Variants in MED13 observed in about 807,000 individuals in gnomAD.
The protein encoded by MED13 is mediator of RNA polymerase II transcription subunit 13.
MED13 carries 23 observed loss-of-function variants against 225.2 expected under a neutral mutation model. That is an observed-to-expected ratio of 0.10 (90% CI 0.07 to 0.14). MED13 has a LOEUF of 0.14. MED13 is among the 10% of genes least tolerant of loss of function. The probability of loss-of-function intolerance (pLI) is 1.00; values close to 1 mark genes in which losing one functional copy is unlikely to be tolerated. For synonymous variants in MED13, 942 were observed against 889.2 expected (o/e 1.06, Z -1.06); for missense variants, 2,197 against 2,594.5 (o/e 0.85, Z 3.33).
At chr17:62,059,113 T>C (rs922150929) in intron 2 of MED13, among the ~76,000 whole-genome samples, 10 of 152,078 alleles carry the variant, frequency 6.6e-5, no homozygotes, top group Non-Finnish European at 1.2e-4. Flanking sequence ...GACAATTAAA[T>C]GTAATAGGGG....
At chr17:61,955,622 T>C (rs1603390871) in intron 25 of MED13, 55 bp from the exon 26 acceptor site, 1 of 1,557,386 alleles carries the variant, frequency 6.4e-7, no homozygotes, top group African/African-American at 1.4e-5. Context: ...TTGTATATAA[T>C]ACTTAAAAAC....
chr17:61,992,678 T>C, intron 10 of MED13, 57 bp from the exon 11 acceptor site: 1 of 1,237,900 alleles, frequency 8.1e-7, no homozygotes, highest in Non-Finnish European at 1.2e-6. Flanking sequence ...CAATAAAATC[T>C]ACCAATTATT....
In MED13 at chr17:62,015,966, T is replaced by A. The variant is rs1389927859; in HGVS notation, c.1284-4733A>T. 8.2e-3 allele frequency among the ~76,000 whole-genome samples: 294 copies of A among 35,914 alleles called. 15 individuals carry two copies. Among genetic ancestry groups the A allele is most frequent in the East Asian group, 0.048 (20 of 418 alleles). The allele number at this position is 35,914 out of a possible 152,430, so 23.6% of individuals were successfully genotyped here. On this transcript the variant is annotated intron_variant, in intron 8 of 29. Coordinates refer to ENST00000397786, the MANE Select transcript of MED13 (RefSeq NM_005121.3). Reference sequence around the variant, plus strand: ...TATATATATATATATTTTTTTTTTTTTTTTTTTTTTTTTTTTTAGTAGAGA... The same window carrying A: ...TATATATATATATATTTTTTTTTTTATTTTTTTTTTTTTTTTTAGTAGAGA...
intron 1 of MED13, 82 bp downstream of exon 1, chr17:62,065,057 AC>A: frequency 7.7e-7 from 1 of 1,296,514 alleles, no homozygotes; most frequent in Non-Finnish European, 1.0e-6. Flanking sequence ...GGGCATCTGG[AC>A]CAGACCCGGC....
chr17:61,949,829 C>T (rs762598789), intron 28 of MED13, among the ~76,000 whole-genome samples: 1 of 151,996 alleles, frequency 6.6e-6, no homozygotes, highest in Admixed American at 6.6e-5. Context: ...CTAATTTGCA[C>T]GTGCCACCAC....
chr17:61,957,785 TTGTTACA>T (rs1278118581), intron 23 of MED13, among the ~76,000 whole-genome samples: 1 of 152,220 alleles, frequency 6.6e-6, no homozygotes, highest in Non-Finnish European at 1.5e-5. Context: ...CCAAACAACA[TTGTTACA>T]TGTTTTCTGC....
In MED13 at chr17:61,961,684, G is replaced by C; in HGVS notation, c.5160C>G (p.Thr1720=). 1.9e-6 allele frequency: 3 copies of C among 1,614,082 alleles called. No homozygotes were observed. Among genetic ancestry groups the C allele is most frequent in the South Asian group, 2.2e-5 (2 of 91,082 alleles). The change falls in exon 22 of 30, where the codon ACC becomes ACG. Residue 1720 remains threonine, a synonymous_variant. Coordinates refer to ENST00000397786, the MANE Select transcript of MED13 (RefSeq NM_005121.3). Reference sequence around the variant, plus strand: ...ATGTTGGAAGTGGCCTCCGACACTGGGTAAAGGCCGAAAAAGCCAGGGATT... The same window carrying C: ...ATGTTGGAAGTGGCCTCCGACACTGCGTAAAGGCCGAAAAAGCCAGGGATT... ...HLKSLAFSAF[T]QCRRPLPTST...
intron 9 of MED13, among the ~76,000 whole-genome samples, chr17:61,996,216 A>C (rs1206728265): frequency 6.6e-6 from 1 of 152,200 alleles, no homozygotes; most frequent in Non-Finnish European, 1.5e-5. Flanking sequence ...AAGCATCAGG[A>C]GTTTTTTCTC....
In MED13 at chr17:62,010,988, T is replaced by C; in HGVS notation, c.1529A>G (p.Asn510Ser). The change falls in exon 9 of 30, where the codon AAT becomes AGT. Residue 510 changes from asparagine to serine, a missense_variant. Asn to Ser is a conservative substitution (Grantham distance 46). Around this residue, in one of 12 missense-constraint regions of MED13, gnomAD observed 884 missense variants for 918.5 expected, o/e 0.96. Transcript: ENST00000397786. ...CTTTGCTACATCATTAGTTCGGATATTTGAAAATCTCACTTGACTGTCTGG... is the reference window on the plus strand; with the variant it reads ...CTTTGCTACATCATTAGTTCGGATACTTGAAAATCTCACTTGACTGTCTGG... Reference protein sequence around the residue: ...SAPDSQVRFSNIRTNDVAKTP... With the variant: ...SAPDSQVRFSSIRTNDVAKTP... 1 of 1,613,632 alleles carries C rather than the reference T, an allele frequency of 6.2e-7. No homozygotes were observed. The highest frequency in any genetic ancestry group is 8.5e-7 in the Non-Finnish European group (1 of 1,179,524).
At chr17:61,975,166 C>A (rs2080143361) in intron 16 of MED13, among the ~76,000 whole-genome samples, 1 of 151,630 alleles carries the variant, frequency 6.6e-6, no homozygotes, top group Admixed American at 6.6e-5. Flanking sequence ...AAAAGACAAT[C>A]CAGAGTACAG....
intron 26 of MED13, 54 bp downstream of exon 26, chr17:61,955,328 G>T: frequency 7.3e-7 from 1 of 1,370,296 alleles, no homozygotes. Context: ...TATTGGACAT[G>T]AATTTATTTT....
chr17:61,984,465 A>G, intron 14 of MED13, 98 bp from the exon 15 acceptor site: 2 of 1,020,266 alleles, frequency 2.0e-6, no homozygotes, highest in South Asian at 3.8e-5. Context: ...TTCTTTAAAC[A>G]GAATAAAATC....
At chr17:61,983,472 G>C (rs1362726664) in intron 15 of MED13, among the ~76,000 whole-genome samples, 1 of 152,078 alleles carries the variant, frequency 6.6e-6, no homozygotes, top group African/African-American at 2.4e-5. Flanking sequence ...AATGATTTTA[G>C]AGATGCTCAT....
intron 9 of MED13, among the ~76,000 whole-genome samples, chr17:62,003,041 T>C (rs370503941): frequency 6.6e-6 from 1 of 152,264 alleles, no homozygotes; most frequent in East Asian, 1.9e-4. Context: ...TCTCTACACA[T>C]TGGCAAATGT....
intron 8 of MED13, among the ~76,000 whole-genome samples, chr17:62,015,336 T>C (rs908541470): frequency 6.6e-6 from 1 of 152,126 alleles, no homozygotes; most frequent in African/African-American, 2.4e-5. Flanking sequence ...AGCATAAGGA[T>C]TTGCCAAATA....
At chr17:61,962,696 C>T in intron 21 of MED13, 56 bp downstream of exon 21, 1 of 1,494,834 alleles carries the variant, frequency 6.7e-7, no homozygotes, top group Non-Finnish European at 9.3e-7. Context: ...TCTGAAACTT[C>T]TGACAACATT....
At chr17:62,048,398 CAA>C (rs555420453) in intron 3 of MED13, among the ~76,000 whole-genome samples, 19,196 of 67,000 alleles carry the variant, frequency 0.29, 801 homozygotes, top group East Asian at 0.54. Context: ...GAGACTGTTT[CAA>C]AAAAAAAAAA....
intron 11 of MED13, among the ~76,000 whole-genome samples, chr17:61,990,648 TATAC>T (rs961724030): frequency 6.8e-6 from 1 of 147,766 alleles, no homozygotes; most frequent in African/African-American, 2.6e-5. Flanking sequence ...TATATATATA[TATAC>T]ACACTCCCCC....
chr17:62,029,493 G>A lies in MED13; in HGVS notation c.1283+48C>T, dbSNP rs9899780. 0.017 allele frequency: 24,340 copies of A among 1,405,130 alleles called. 3,137 individuals are homozygous for A. The African/African-American group carries it at 0.29, about 17-fold the overall frequency. The allele number at this position is 1,405,130 out of a possible 1,614,324, so 87.0% of individuals were successfully genotyped here. Reference sequence around the variant, plus strand: ...AAAGTGGGCATAAGCATTCAGTGGCGTAACAAACTATCACACATAGGCATC... The same window carrying A: ...AAAGTGGGCATAAGCATTCAGTGGCATAACAAACTATCACACATAGGCATC... On this transcript the variant is annotated intron_variant, in intron 8 of 29. Transcript: ENST00000397786.
Sources: gnomAD v4.1 joint callset for allele counts (sites outside exome capture counted in the v4.1 genomes callset) on GRCh38, gnomAD v4.1.1 for gene constraint, gnomAD v4.1.1 regional missense constraint, MANE v1.5 for transcripts, NCBI Gene and HGNC (gene_info 2026-07-23, HGNC 2026-07-21) for gene names.